The following KRTAP10-4 variants were observed in gnomAD, a reference collection of about 807,000 sequenced individuals.
The protein encoded by KRTAP10-4 is keratin associated protein 10-4, also known as keratin-associated protein 10-4.
For missense variants in KRTAP10-4, 374 were observed against 507.6 expected (o/e 0.74, Z 2.53); for synonymous variants, 147 against 213.7 (o/e 0.69, Z 2.72).
At position 44,574,950 on chromosome 21, in the gene KRTAP10-4, G is replaced by A. The variant is rs377598729; in HGVS notation, c.1192G>A (p.Val398Met). 89 of 1,606,742 alleles carry A rather than the reference G, an allele frequency of 5.5e-5. No homozygotes were observed. In the African/African-American group the frequency reaches 8.2e-4, roughly 15 times the overall value. ...CAGCTGCTGCCGCCCAGCCTCCTGCGTGTCCCTCCTCTGACGCCCCGTGTG... is the reference window on the plus strand; with the variant it reads ...CAGCTGCTGCCGCCCAGCCTCCTGCATGTCCCTCCTCTGACGCCCCGTGTG... Reference protein sequence around the residue: ...QPSCCRPASCVSLL With the variant: ...QPSCCRPASCMSLL The change falls in exon 1 of 1, where the codon GTG becomes ATG. Residue 398 changes from valine (V) to methionine (M), a missense_variant. Coordinates refer to ENST00000400374, the MANE Select transcript of KRTAP10-4 (RefSeq NM_198687.2).
chr21:44,575,367 G>T lies in KRTAP10-4; in HGVS notation c.*403G>T, dbSNP rs1040677653. 2.6e-4 allele frequency: 76 copies of T among 289,870 alleles called. No individual in the cohort carries two copies. The highest frequency in any genetic ancestry group is 1.5e-3 in the African/African-American group (69 of 46,402). The allele number at this position is 289,870 out of a possible 1,614,324, so 18.0% of individuals were successfully genotyped here. ...ATAAAGGCCCTGAGACTGCAATGGC[G>T]CTGACACCCAGGTGTGTTGATTAAT... On this transcript the variant is annotated 3_prime_UTR_variant, in exon 1 of 1. Coordinates refer to ENST00000400374, the MANE Select transcript of KRTAP10-4 (RefSeq NM_198687.2).
In KRTAP10-4 at chr21:44,574,721, C is replaced by G; in HGVS notation, c.963C>G (p.Val321=). 1 of 1,609,336 alleles carries G rather than the reference C, an allele frequency of 6.2e-7. No individual in the cohort carries two copies. The change falls in exon 1 of 1, where the codon GTC becomes GTG. Residue 321 remains valine, a synonymous_variant. Coordinates refer to ENST00000400374, the MANE Select transcript of KRTAP10-4 (RefSeq NM_198687.2). ...GCCAGCAGGGCTGCTGCGTGCCCGTCTGCTGCAAGCCTGTGAGCTGTGTGC... is the reference window on the plus strand; with the variant it reads ...GCCAGCAGGGCTGCTGCGTGCCCGTGTGCTGCAAGCCTGTGAGCTGTGTGC... ...SQSQQGCCVP[V]CCKPVSCVPV...
rs1161392599 is a variant in KRTAP10-4, at chr21:44,574,544, C to A, written c.786C>A (p.Thr262=). The change falls in exon 1 of 1, where the codon ACC becomes ACA. Residue 262 remains threonine (T), a synonymous_variant. Transcript: ENST00000400374. ...CTAGCTGCCAGCCGGCTTGCTGCAC[C>A]TCCTCTCCCTGCCAGCAGGCTTGCT... ...QQSSCQPACC[T]SSPCQQACCV... is the part of the protein sequence containing the mutation. The A allele has an allele frequency of 6.2e-7, 1 of 1,609,268 alleles. No individual in the cohort carries two copies. Among genetic ancestry groups the A allele is most frequent in the African/African-American group, 1.4e-5 (1 of 72,270 alleles).
At position 44,575,102 on chromosome 21, in the gene KRTAP10-4, C is replaced by T; in HGVS notation, c.*138C>T. 8.0e-7 allele frequency: 1 copy of T among 1,245,380 alleles called. No individual in the cohort carries two copies. The highest frequency in any genetic ancestry group is 1.5e-5 in the South Asian group (1 of 68,704). 77.1% of individuals were successfully genotyped at this position (1,245,380 alleles called of 1,614,324 possible). ...ATAGTCGCGTCCTGAATTGCTCCTGCACTTTGACCATTTCCTGGTGTCTGC... is the reference window on the plus strand; with the variant it reads ...ATAGTCGCGTCCTGAATTGCTCCTGTACTTTGACCATTTCCTGGTGTCTGC... On this transcript the variant is annotated 3_prime_UTR_variant, in exon 1 of 1. Coordinates refer to ENST00000400374, the MANE Select transcript of KRTAP10-4 (RefSeq NM_198687.2).
At position 44,574,597 on chromosome 21, in the gene KRTAP10-4, G is replaced by A; in HGVS notation, c.839G>A (p.Cys280Tyr). Reference protein sequence around the residue: ...CCVPVCCKPVCCKPVCSVPIC... With the variant: ...CCVPVCCKPVYCKPVCSVPIC... ...GTGCCTGTCTGCTGCAAGCCTGTGT[G>A]CTGCAAGCCTGTCTGCTCTGTGCCC... The change falls in exon 1 of 1, where the codon TGC becomes TAC. Residue 280 changes from cysteine (C) to tyrosine (Y), a missense_variant. Transcript: ENST00000400374. 1.5e-6 allele frequency: 2 copies of A among 1,302,770 alleles called. No homozygotes were observed. Among genetic ancestry groups the A allele is most frequent in the East Asian group, 3.1e-5 (1 of 32,616 alleles). The allele number at this position is 1,302,770 out of a possible 1,614,324, so 80.7% of individuals were successfully genotyped here.
rs782427289 is a variant in KRTAP10-4, at chr21:44,574,968, C to A, written c.*4C>A. 90 of 1,612,148 alleles carry A rather than the reference C, an allele frequency of 5.6e-5. No individual in the cohort carries two copies. The highest frequency in any genetic ancestry group is 7.3e-5 in the Non-Finnish European group (86 of 1,179,074). On this transcript the variant is annotated 3_prime_UTR_variant, in exon 1 of 1. Transcript: ENST00000400374. ...CTCCTGCGTGTCCCTCCTCTGACGC[C>A]CCGTGTGCTCCCGCCCAGCCTGCTG...
Position 44,573,766 on chromosome 21 carries a change from T to A in KRTAP10-4, c.8T>A (p.Val3Asp), listed in dbSNP as rs782104614. Residue 3 changes from valine to aspartate, a missense_variant, in exon 1 of 1, where the codon GTC becomes GAC. Val to Asp is a radical substitution (Grantham distance 152, BLOSUM62 -3). Coordinates refer to ENST00000400374, the MANE Select transcript of KRTAP10-4 (RefSeq NM_198687.2). The part of the protein sequence containing the change: MS[V>D]CSSDLSYSSR... ...AGCACAGCAGCATCCACCATGTCCG[T>A]CTGCTCCAGCGACCTGAGCTACAGC... The A allele has an allele frequency of 3.7e-6, 6 of 1,613,666 alleles. No homozygotes were observed. The highest frequency in any genetic ancestry group is 3.3e-5 in the South Asian group (3 of 91,030).
rs781784447 is a variant in KRTAP10-4 at position 44,574,995 on chromosome 21, G to T, written c.*31G>T. 2.5e-6 allele frequency: 4 copies of T among 1,609,418 alleles called. No individual in the cohort carries two copies. Among genetic ancestry groups the T allele is most frequent in the Non-Finnish European group, 3.4e-6 (4 of 1,177,616 alleles). On this transcript the variant is annotated 3_prime_UTR_variant, in exon 1 of 1. Coordinates refer to ENST00000400374, the MANE Select transcript of KRTAP10-4 (RefSeq NM_198687.2). The stretch of plus-strand genomic sequence containing the variant: ...CGTGTGCTCCCGCCCAGCCTGCTGA[G>T]GCCTCCGCTCAGGTCAGAAGCCCAG...
In KRTAP10-4 at chr21:44,575,148, G is replaced by A; in HGVS notation, c.*184G>A. ...TCTGCTGTTGAGCTGGACAATGGAA[G>A]AACTGAAAGTCTATACTCAATGCTG... is the stretch of plus-strand genomic sequence containing the variant. On this transcript the variant is annotated 3_prime_UTR_variant, in exon 1 of 1. Coordinates refer to ENST00000400374, the MANE Select transcript of KRTAP10-4 (RefSeq NM_198687.2). 1.1e-6 allele frequency: 1 copy of A among 939,790 alleles called. No homozygotes were observed. The highest frequency in any genetic ancestry group is 1.7e-5 in the South Asian group (1 of 57,830). 58.2% of individuals were successfully genotyped at this position (939,790 alleles called of 1,614,324 possible). A position where few individuals can be genotyped will look rare whatever the true frequency, so the allele number is the denominator to read the frequency against.
At position 44,575,174 on chromosome 21, in the gene KRTAP10-4, C is replaced by A; in HGVS notation, c.*210C>A. 2.4e-6 allele frequency: 2 copies of A among 821,542 alleles called. No homozygotes were observed. Among genetic ancestry groups the A allele is most frequent in the Non-Finnish European group, 3.8e-6 (2 of 526,746 alleles). 50.9% of individuals were successfully genotyped at this position (821,542 alleles called of 1,614,324 possible). A position where few individuals can be genotyped will look rare whatever the true frequency, so the allele number is the denominator to read the frequency against. ...AACTGAAAGTCTATACTCAATGCTG[C>A]AGCCCTCTTGCGGGGGGAGGGGGGC... On this transcript the variant is annotated 3_prime_UTR_variant, in exon 1 of 1. Coordinates refer to ENST00000400374, the MANE Select transcript of KRTAP10-4 (RefSeq NM_198687.2).
Position 44,574,064 on chromosome 21 carries a change from C to T in KRTAP10-4, c.306C>T (p.Ser102=). 1 of 1,613,164 alleles carries T rather than the reference C, an allele frequency of 6.2e-7. No homozygotes were observed. The highest frequency in any genetic ancestry group is 8.5e-7 in the Non-Finnish European group (1 of 1,179,802). The stretch of plus-strand genomic sequence containing the variant: ...GCTGCCAGCTGGCTTGCTGTGCCTC[C>T]TCCCCCTGCCAGCAGGCCTGCTGCG... ...QSSCQLACCA[S]SPCQQACCVP... is the part of the protein sequence containing the mutation. Residue 102 remains serine, a synonymous_variant, in exon 1 of 1, where the codon TCC becomes TCT. Coordinates refer to ENST00000400374, the MANE Select transcript of KRTAP10-4 (RefSeq NM_198687.2).
chr21:44,574,187 A>G lies in KRTAP10-4; in HGVS notation c.429A>G (p.Ser143=), dbSNP rs782002508. Residue 143 remains serine (S), a synonymous_variant, in exon 1 of 1, where the codon TCA becomes TCG. Coordinates refer to ENST00000400374, the MANE Select transcript of KRTAP10-4 (RefSeq NM_198687.2). ...SSCCQQSSCQ[S]ACCTSSPCQQ... ...GCTGCCAGCAGTCTAGCTGCCAGTC[A>G]GCTTGCTGCACCTCCTCCCCCTGCC... The G allele has an allele frequency of 1.1e-5, 18 of 1,602,108 alleles. No individual in the cohort carries two copies. In the African/African-American group the frequency reaches 1.7e-4, roughly 15 times the overall value.
rs396912 is a variant in KRTAP10-4 at position 44,574,611 on chromosome 21, T to G, written c.853T>G (p.Cys285Gly). The G allele has an allele frequency of 0.95, 1,523,662 of 1,610,500 alleles. 725,749 individuals carry two copies. The highest frequency in any genetic ancestry group is 0.97 in the Non-Finnish European group (1,147,625 of 1,178,566). ...CCKPVCCKPV[C>G]SVPICSGASS... ...CAAGCCTGTGTGCTGCAAGCCTGTC[T>G]GCTCTGTGCCCATCTGCTCTGGGGC... The change falls in exon 1 of 1, where the codon TGC (cysteine) becomes GGC (glycine). Residue 285 changes from cysteine (C) to glycine (G), a missense_variant. Coordinates refer to ENST00000400374, the MANE Select transcript of KRTAP10-4 (RefSeq NM_198687.2).
In KRTAP10-4 at chr21:44,574,236, T is replaced by G; in HGVS notation, c.478T>G (p.Cys160Gly). The part of the protein sequence containing the change: ...PCQQACCVPI[C>G]CKPVCSGISS... ...CCAGCAGGCCTGCTGTGTGCCCATC[T>G]GCTGCAAGCCTGTCTGCTCTGGGAT... is the stretch of plus-strand genomic sequence containing the variant. Residue 160 changes from cysteine (C) to glycine (G), a missense_variant, in exon 1 of 1, where the codon TGC (cysteine) becomes GGC (glycine). Physicochemically the swap from Cys to Gly is radical, Grantham distance 159. Coordinates refer to ENST00000400374, the MANE Select transcript of KRTAP10-4 (RefSeq NM_198687.2). The G allele has an allele frequency of 6.2e-7, 1 of 1,607,396 alleles. No individual in the cohort carries two copies. Among genetic ancestry groups the G allele is most frequent in the Non-Finnish European group, 8.5e-7 (1 of 1,176,718 alleles).
chr21:44,574,422 T>G lies in KRTAP10-4; in HGVS notation c.664T>G (p.Ser222Ala). Residue 222 changes from serine to alanine, a missense_variant, in exon 1 of 1, where the codon TCC becomes GCC. By Grantham distance (99) the Ser-to-Ala change is moderately conservative (BLOSUM62 1). Transcript: ENST00000400374. Reference protein sequence around the residue: ...SSCQPACCTSSSCQQACCVPV... With the variant: ...SSCQPACCTSASCQQACCVPV... Reference sequence around the variant, plus strand: ...CTGCCAGCCGGCTTGCTGCACCTCCTCCTCCTGCCAGCAGGCCTGCTGCGT... The same window carrying G: ...CTGCCAGCCGGCTTGCTGCACCTCCGCCTCCTGCCAGCAGGCCTGCTGCGT... 1.2e-6 allele frequency: 2 copies of G among 1,601,608 alleles called. No individual in the cohort carries two copies. Among genetic ancestry groups the G allele is most frequent in the Non-Finnish European group, 1.7e-6 (2 of 1,174,746 alleles).
At position 44,574,974 on chromosome 21, in the gene KRTAP10-4, T is replaced by G; in HGVS notation, c.*10T>G. On this transcript the variant is annotated 3_prime_UTR_variant, in exon 1 of 1. Coordinates refer to ENST00000400374, the MANE Select transcript of KRTAP10-4 (RefSeq NM_198687.2). The stretch of plus-strand genomic sequence containing the variant: ...CGTGTCCCTCCTCTGACGCCCCGTG[T>G]GCTCCCGCCCAGCCTGCTGAGGCCT... The G allele has an allele frequency of 6.2e-7, 1 of 1,612,290 alleles. No homozygotes were observed. The highest frequency in any genetic ancestry group is 8.5e-7 in the Non-Finnish European group (1 of 1,179,124).
Position 44,575,186 on chromosome 21 carries a change from G to A in KRTAP10-4, c.*222G>A, listed in dbSNP as rs114829255. The A allele has an allele frequency of 2.7e-3, 1,993 of 746,130 alleles. 27 individuals are homozygous for A. In the African/African-American group the frequency reaches 0.03, roughly 11 times the overall value. 46.2% of individuals were successfully genotyped at this position (746,130 alleles called of 1,614,324 possible). A position where few individuals can be genotyped will look rare whatever the true frequency, so the allele number is the denominator to read the frequency against. On this transcript the variant is annotated 3_prime_UTR_variant, in exon 1 of 1. Transcript: ENST00000400374. ...ATACTCAATGCTGCAGCCCTCTTGC[G>A]GGGGGAGGGGGGCGCTTCTAGAAAG...
rs1555923702 is a variant in KRTAP10-4, at chr21:44,574,984, C to T, written c.*20C>T. Reference sequence around the variant, plus strand: ...CTCTGACGCCCCGTGTGCTCCCGCCCAGCCTGCTGAGGCCTCCGCTCAGGT... The same window carrying T: ...CTCTGACGCCCCGTGTGCTCCCGCCTAGCCTGCTGAGGCCTCCGCTCAGGT... On this transcript the variant is annotated 3_prime_UTR_variant, in exon 1 of 1. Transcript: ENST00000400374. 17 of 1,611,274 alleles carry T rather than the reference C, an allele frequency of 1.1e-5. No individual in the cohort carries two copies. The highest frequency in any genetic ancestry group is 1.7e-5 in the Admixed American group (1 of 59,898).
In KRTAP10-4 at chr21:44,575,179, C is replaced by T. The variant is rs1378434448; in HGVS notation, c.*215C>T. The T allele has an allele frequency of 1.1e-5, 9 of 796,888 alleles. No individual in the cohort carries two copies. In the Admixed American group the frequency reaches 1.2e-4, roughly 10 times the overall value. The allele number at this position is 796,888 out of a possible 1,614,324, so 49.4% of individuals were successfully genotyped here. On this transcript the variant is annotated 3_prime_UTR_variant, in exon 1 of 1. Coordinates refer to ENST00000400374, the MANE Select transcript of KRTAP10-4 (RefSeq NM_198687.2). The stretch of plus-strand genomic sequence containing the variant: ...AAAGTCTATACTCAATGCTGCAGCC[C>T]TCTTGCGGGGGGAGGGGGGCGCTTC...
Sources: gnomAD v4.1 joint callset for allele counts on GRCh38, gnomAD v4.1.1 for gene constraint, MANE v1.5 for transcripts, NCBI Gene and HGNC (gene_info 2026-07-23, HGNC 2026-07-21) for gene names.